Variants in KALRN observed in about 807,000 individuals in gnomAD.
The protein encoded by KALRN is kalirin.
A neutral mutation model predicts 353.7 loss-of-function variants in KALRN; 70 were observed. That is an observed-to-expected ratio of 0.20 (90% CI 0.16 to 0.24). The LOEUF is 0.24. KALRN is among the 10% of genes least tolerant of loss of function. KALRN has a pLI of 1.00. For synonymous variants in KALRN, 1,391 were observed against 1,434.8 expected (o/e 0.97, Z 0.69); for missense variants, 2,791 against 3,756.7 (o/e 0.74, Z 6.72).
At chr3:124,277,248 G>A (rs1171883941) in intron 5 of KALRN, among the ~76,000 whole-genome samples, 1 of 152,196 alleles carries the variant, frequency 6.6e-6, no homozygotes, top group Non-Finnish European at 1.5e-5. Context: ...CTTCGGGTTG[G>A]CCAGAAGGGC....
At chr3:124,589,518 A>T (rs370664321) in intron 34 of KALRN, among the ~76,000 whole-genome samples, 46 of 152,314 alleles carry the variant, frequency 3.0e-4, no homozygotes, top group Middle Eastern at 3.4e-3. Flanking sequence ...GGTTGAGCCC[A>T]TGAATTCAAG....
chr3:124,209,470 C>T (rs1158458095), intron 1 of KALRN, among the ~76,000 whole-genome samples: 11 of 114,320 alleles, frequency 9.6e-5, no homozygotes, highest in South Asian at 2.8e-4. Context: ...GCCTGGGCAA[C>T]AGAGCAAGAC....
At chr3:124,358,841 A>C (rs1187079574) in intron 10 of KALRN, among the ~76,000 whole-genome samples, 1 of 152,308 alleles carries the variant, frequency 6.6e-6, no homozygotes, top group East Asian at 1.9e-4. Context: ...TGGAGCTCAT[A>C]TTCAAGCCCT....
rs556447601 is a variant in KALRN at position 124,558,588 on chromosome 3, T to C, written c.4936-4255T>C. On this transcript the variant is annotated intron_variant, in intron 33 of 59. Transcript: ENST00000682506. ...GCCACTGCGCCCAGCCCAGAACTTA[T>C]TTTTTAGACAATCATTTAGCTCTCT... 2.6e-5 allele frequency among the ~76,000 whole-genome samples: 4 copies of C among 152,360 alleles called. No homozygotes were observed. In the South Asian group the frequency reaches 8.3e-4, roughly 32 times the overall value.
intron 34 of KALRN, among the ~76,000 whole-genome samples, chr3:124,623,154 T>G (rs1001169684): frequency 1.3e-4 from 20 of 151,936 alleles, no homozygotes; most frequent in African/African-American, 3.6e-4. Context: ...CCTTTTCTTT[T>G]CTTTGCTTTG....
At chr3:124,277,025 G>A (rs571391559) in intron 5 of KALRN, among the ~76,000 whole-genome samples, 15 of 152,328 alleles carry the variant, frequency 9.8e-5, no homozygotes, top group African/African-American at 2.6e-4. Context: ...GCTCCTTGCC[G>A]TGCAGGACAG....
At chr3:124,563,233 A>C in intron 34 of KALRN, 144 bp downstream of exon 34, 4 of 887,178 alleles carry the variant, frequency 4.5e-6, no homozygotes, top group Non-Finnish European at 6.2e-6. Context: ...GACTGTGAAG[A>C]GAATGGGTTG....
At chr3:124,650,724 T>C in intron 37 of KALRN, 84 bp from the exon 38 acceptor site, 1 of 1,364,730 alleles carries the variant, frequency 7.3e-7, no homozygotes. Flanking sequence ...TTCCATGTTG[T>C]CTGTGGCTAG....
At chr3:124,205,839 C>T (rs866082240) in intron 1 of KALRN, among the ~76,000 whole-genome samples, 4 of 152,138 alleles carry the variant, frequency 2.6e-5, no homozygotes, top group African/African-American at 9.7e-5. Flanking sequence ...GAGGACCTGT[C>T]AAATCCCTGG....
intron 34 of KALRN, chr3:124,584,689 C>T (rs2074953172): frequency 5.6e-6 from 8 of 1,434,310 alleles, no homozygotes; most frequent in Admixed American, 2.9e-5. Flanking sequence ...GCTGCGGCCG[C>T]GGTGCGGGGA....
intron 16 of KALRN, among the ~76,000 whole-genome samples, chr3:124,431,279 C>G (rs2093262830): frequency 6.6e-6 from 1 of 152,134 alleles, no homozygotes; most frequent in Non-Finnish European, 1.5e-5. Context: ...GCAGATTGCA[C>G]CAGATATTTT....
At position 124,626,975 on chromosome 3, in the gene KALRN, A is replaced by G. The variant is rs190837617; in HGVS notation, c.5183-5445A>G. Among the ~76,000 whole-genome samples the G allele has an allele frequency of 1.8e-4, 27 of 152,322 alleles. No individual in the cohort carries two copies. The East Asian group carries it at 3.7e-3, about 21-fold the overall frequency. On this transcript the variant is annotated intron_variant, in intron 34 of 59. Coordinates refer to ENST00000682506, the MANE Select transcript of KALRN (RefSeq NM_001388419.1). ...TAAATAACACCTGCCTGGACTTGGG[A>G]TGATTTGACGAGAGAACGATATTAT... is the stretch of plus-strand genomic sequence containing the variant.
At chr3:124,236,878 C>G (rs1481380601) in intron 3 of KALRN, among the ~76,000 whole-genome samples, 1 of 152,214 alleles carries the variant, frequency 6.6e-6, no homozygotes. Flanking sequence ...AATCTGCACT[C>G]CTGAGAACTG....
intron 13 of KALRN, among the ~76,000 whole-genome samples, chr3:124,411,709 T>C (rs1204529309): frequency 6.6e-6 from 1 of 152,130 alleles, no homozygotes; most frequent in Non-Finnish European, 1.5e-5. Context: ...GCCTCCCAAA[T>C]CACTGGGATT....
At chr3:124,377,376 G>T (rs2149852353) in intron 10 of KALRN, among the ~76,000 whole-genome samples, 1 of 152,214 alleles carries the variant, frequency 6.6e-6, no homozygotes, top group South Asian at 2.1e-4. Flanking sequence ...TTCTGTTACT[G>T]ATTTCTAATT....
chr3:124,087,538 A>G (rs912310611), intron 1 of KALRN, among the ~76,000 whole-genome samples: 3 of 152,172 alleles, frequency 2.0e-5, no homozygotes, highest in Non-Finnish European at 4.4e-5. Flanking sequence ...CTCTGCATGC[A>G]CCAATGACTC....
intron 29 of KALRN, among the ~76,000 whole-genome samples, chr3:124,490,235 AAAT>A (rs958137466): frequency 1.4e-4 from 22 of 152,310 alleles, no homozygotes; most frequent in Non-Finnish European, 2.6e-4. Context: ...AAAAAATAAA[AAAT>A]AATAATAAGA....
At chr3:124,388,673 T>C (rs2088830870) in intron 11 of KALRN, among the ~76,000 whole-genome samples, 1 of 152,202 alleles carries the variant, frequency 6.6e-6, no homozygotes, top group African/African-American at 2.4e-5. Flanking sequence ...GCTCTCCAGA[T>C]ATTGTAAATA....
At chr3:124,242,036 T>C (rs1158244128) in intron 3 of KALRN, among the ~76,000 whole-genome samples, 1 of 152,178 alleles carries the variant, frequency 6.6e-6, no homozygotes, top group African/African-American at 2.4e-5. Flanking sequence ...TGTAGAATTC[T>C]GTGGGTCTAG....
Sources: gnomAD v4.1 joint callset for allele counts (sites outside exome capture counted in the v4.1 genomes callset) on GRCh38, gnomAD v4.1.1 for gene constraint, MANE v1.5 for transcripts, NCBI Gene and HGNC (gene_info 2026-07-23, HGNC 2026-07-21) for gene names.